Variants in CERK observed in about 807,000 individuals in gnomAD.
The protein encoded by CERK is acylsphingosine kinase.
CERK carries 39 observed loss-of-function variants against 63.4 expected under a neutral mutation model. The ratio of observed to expected loss-of-function variants is 0.61; its 90% CI spans 0.48 to 0.80. CERK has a LOEUF of 0.80. Among genes scored for constraint, CERK ranks in the 30% least tolerant of loss-of-function variants. The pLI is 0.00. For synonymous variants in CERK, 302 were observed against 280.0 expected, an observed-to-expected ratio of 1.08 and a Z score of -0.78; for missense variants, 670 against 714.1, an observed-to-expected ratio of 0.94 and a Z score of 0.70.
chr22:46,691,084 C>CACACACACACACAT (rs1488775318), intron 11 of CERK, among the ~76,000 whole-genome samples: 2 of 151,204 alleles, frequency 1.3e-5, no homozygotes, highest in East Asian at 1.9e-4. Context: ...CACACACACA[C>CACACACACACACAT]ATATATTTGA....
chr22:46,733,959 C>T lies in CERK; in HGVS notation c.142+4048G>A, dbSNP rs141981011. ...GCTAAGGCAGGAGAATCACTTGAACCCGGGAGGTGGAGGTTGCAGTGAGCC... is the reference window on the plus strand; with the variant it reads ...GCTAAGGCAGGAGAATCACTTGAACTCGGGAGGTGGAGGTTGCAGTGAGCC... On this transcript the variant is annotated intron_variant, in intron 1 of 12. Coordinates refer to ENST00000216264, the MANE Select transcript of CERK (RefSeq NM_022766.6). 3.3e-3 allele frequency among the ~76,000 whole-genome samples: 497 copies of T among 152,004 alleles called. 4 individuals carry two copies. The highest frequency in any genetic ancestry group is 4.0e-3 in the South Asian group (19 of 4,810).
chr22:46,712,848 T>TTTTC (rs1491459646), intron 3 of CERK, among the ~76,000 whole-genome samples: 7 of 10,446 alleles, frequency 6.7e-4, no homozygotes, highest in Non-Finnish European at 2.0e-3. Flanking sequence ...TTTTCTTTTC[T>TTTTC]TTTTTTTTTT....
At chr22:46,736,385 A>T in intron 1 of CERK, among the ~76,000 whole-genome samples, 1 of 152,214 alleles carries the variant, frequency 6.6e-6, no homozygotes, top group Middle Eastern at 3.2e-3. Context: ...AGTGGCTACA[A>T]GCACAGCAGC....
At chr22:46,699,514 C>T (rs767694564) in intron 7 of CERK, 49 bp from the exon 8 acceptor site, 2 of 1,586,152 alleles carry the variant, frequency 1.3e-6, no homozygotes, top group East Asian at 2.2e-5. Context: ...TCCAGCCCCG[C>T]CCCATCCACT....
intron 1 of CERK, among the ~76,000 whole-genome samples, chr22:46,734,885 A>T (rs1548978): frequency 0.48 from 72,297 of 152,082 alleles, 18,981 homozygotes; most frequent in Non-Finnish European, 0.59. Flanking sequence ...ACATTTTTTT[A>T]AAGTATCTGT....
intron 2 of CERK, 71 bp from the exon 3 acceptor site, chr22:46,720,279 C>T: frequency 1.3e-6 from 2 of 1,540,758 alleles, no homozygotes; most frequent in African/African-American, 1.4e-5. Flanking sequence ...AGTGAATATG[C>T]ACCAAATGCA....
At chr22:46,693,595 A>G in intron 9 of CERK, 92 bp from the exon 10 acceptor site, 2 of 1,099,130 alleles carry the variant, frequency 1.8e-6, no homozygotes, top group Non-Finnish European at 2.7e-6. Flanking sequence ...CATTCTTTTC[A>G]CATACGAAAA....
chr22:46,695,078 C>T (rs2146546561), intron 9 of CERK, 132 bp downstream of exon 9: 2 of 598,796 alleles, frequency 3.3e-6, no homozygotes, highest in East Asian at 5.7e-5. Flanking sequence ...GCATCATAGG[C>T]ATCGTGTGTC....
At chr22:46,721,051 G>A (rs745758718) in intron 1 of CERK, 36 bp from the exon 2 acceptor site, 4 of 1,347,508 alleles carry the variant, frequency 3.0e-6, no homozygotes, top group East Asian at 2.3e-5. Context: ...CAAAGAATTC[G>A]TCAGAATCCA....
At position 46,738,061 on chromosome 22, in the gene CERK, C is replaced by A; in HGVS notation, c.88G>T (p.Ala30Ser). The A allele has an allele frequency of 7.9e-7, 1 of 1,258,032 alleles. No homozygotes were observed. The highest frequency in any genetic ancestry group is 1.0e-6 in the Non-Finnish European group (1 of 997,372). The allele number at this position is 1,258,032 out of a possible 1,614,324, so 77.9% of individuals were successfully genotyped here. The change falls in exon 1 of 13, where the codon GCT (alanine) becomes TCT (serine). Residue 30 changes from alanine to serine, a missense_variant. Physicochemically the swap from Ala to Ser is moderately conservative, Grantham distance 99. Coordinates refer to ENST00000216264, the MANE Select transcript of CERK (RefSeq NM_022766.6). ...RCAVSLEPARALLRWWRSPGP... is the reference protein window; with the variant it reads ...RCAVSLEPARSLLRWWRSPGP... The stretch of plus-strand genomic sequence containing the variant: ...GGGCTCCGCCACCAGCGCAGCAGAG[C>A]CCGCGCGGGCTCCAGGCTCACGGCG...
In CERK at chr22:46,701,412, C is replaced by G. The variant is rs372683269; in HGVS notation, c.790+224G>C. 1.5e-3 allele frequency among the ~76,000 whole-genome samples: 226 copies of G among 152,394 alleles called. 1 individual carries two copies. Among genetic ancestry groups the G allele is most frequent in the African/African-American group, 5.1e-3 (213 of 41,600 alleles). ...GTGGATTCCGTGGGAAAGAACTCGG[C>G]CCACACTGGGCGTGCCCCCAGGAAG... On this transcript the variant is annotated intron_variant, in intron 7 of 12. Coordinates refer to ENST00000216264, the MANE Select transcript of CERK (RefSeq NM_022766.6).
intron 4 of CERK, 122 bp from the exon 5 acceptor site, chr22:46,711,271 A>G: frequency 2.7e-6 from 2 of 734,614 alleles, no homozygotes; most frequent in Non-Finnish European, 4.8e-6. Context: ...TTCCTAGATA[A>G]AATTCCCTCT....
In CERK at chr22:46,711,113, T is replaced by C; in HGVS notation, c.542A>G (p.Tyr181Cys). The change falls in exon 5 of 13, where the codon TAT (tyrosine) becomes TGT (cysteine). Residue 181 changes from tyrosine (Y) to cysteine (C), a missense_variant. Transcript: ENST00000216264. ...EHANQAKETL[Y>C]EINIDKYDGI... ...GTCGTATTTGTCTATGTTAATCTCA[T>C]ACAGAGTCTCCTTGGCCTGATTAGC... The C allele has an allele frequency of 6.2e-7, 1 of 1,613,944 alleles. No homozygotes were observed. The highest frequency in any genetic ancestry group is 8.5e-7 in the Non-Finnish European group (1 of 1,179,800).
intron 3 of CERK, among the ~76,000 whole-genome samples, chr22:46,712,578 G>A (rs6008956): frequency 3.3e-5 from 5 of 152,300 alleles, no homozygotes; most frequent in African/African-American, 1.2e-4. Flanking sequence ...CTGCTCTGAA[G>A]GGTGCTGTCG....
At chr22:46,692,351 G>T in intron 10 of CERK, among the ~76,000 whole-genome samples, 1 of 150,780 alleles carries the variant, frequency 6.6e-6, no homozygotes, top group Non-Finnish European at 1.5e-5. Context: ...GCTTGAACCC[G>T]GAAGGCAGAG....
At chr22:46,705,964 G>A (rs979966987) in intron 6 of CERK, among the ~76,000 whole-genome samples, 1 of 152,304 alleles carries the variant, frequency 6.6e-6, no homozygotes, top group East Asian at 1.9e-4. Context: ...TTGAGCCTGG[G>A]GCAGTCTAGG....
At chr22:46,729,938 C>T (rs2146593826) in intron 1 of CERK, among the ~76,000 whole-genome samples, 1 of 152,008 alleles carries the variant, frequency 6.6e-6, no homozygotes, top group South Asian at 2.1e-4. Flanking sequence ...ACTCAGGAGG[C>T]TGAGGCAGGA....
At chr22:46,700,388 T>C (rs1435753631) in intron 7 of CERK, among the ~76,000 whole-genome samples, 1 of 152,036 alleles carries the variant, frequency 6.6e-6, no homozygotes, top group Admixed American at 6.6e-5. Flanking sequence ...AGCGAAACTC[T>C]GTCTCAAAAT....
chr22:46,719,344 A>C (rs185169263), intron 3 of CERK, among the ~76,000 whole-genome samples: 81 of 152,116 alleles, frequency 5.3e-4, no homozygotes, highest in African/African-American at 1.9e-3. Flanking sequence ...TAACTAACCC[A>C]CCAGGCTCCA....
Sources: gnomAD v4.1 joint callset for allele counts (sites outside exome capture counted in the v4.1 genomes callset) on GRCh38, gnomAD v4.1.1 for gene constraint, MANE v1.5 for transcripts, NCBI Gene and HGNC (gene_info 2026-07-23, HGNC 2026-07-21) for gene names.